The following ANKH variants were observed in gnomAD, a reference collection of about 807,000 sequenced individuals.
ANKH encodes ANKH inorganic pyrophosphate transport regulator.
In ANKH, 15 loss-of-function variants were observed where a neutral mutation model predicts 49.0. That is an observed-to-expected ratio of 0.31 (90% confidence interval 0.20 to 0.47). The LOEUF is 0.47. ANKH is among the 20% of genes least tolerant of loss of function. The probability of loss-of-function intolerance (pLI) is 1.00; values close to 1 mark genes in which losing one functional copy is unlikely to be tolerated. For missense variants in ANKH, 429 were observed against 652.0 expected (o/e 0.66, Z 3.72); for synonymous variants, 273 against 260.0 (o/e 1.05, Z -0.48).
At chr5:14,750,981 C>T in intron 5 of ANKH, 88 bp downstream of exon 5, 1 of 1,534,278 alleles carries the variant, frequency 6.5e-7, no homozygotes, top group Non-Finnish European at 9.0e-7. Flanking sequence ...GTTTTGATGT[C>T]ACTGATTTCT....
intron 1 of ANKH, among the ~76,000 whole-genome samples, chr5:14,866,359 A>G (rs1735646304): frequency 6.6e-6 from 1 of 152,130 alleles, no homozygotes; most frequent in Non-Finnish European, 1.5e-5. Context: ...GGCAGAACAC[A>G]TTTCTTAAGT....
intron 1 of ANKH, among the ~76,000 whole-genome samples, chr5:14,788,792 A>T (rs1259409311): frequency 6.6e-6 from 1 of 152,162 alleles, no homozygotes; most frequent in African/African-American, 2.4e-5. Context: ...GGTTAATAAT[A>T]CTAACTGATC....
chr5:14,705,961 G>C lies in ANKH; in HGVS notation c.*5236C>G, dbSNP rs1736933185. 1.3e-5 allele frequency: 2 copies of C among 152,214 alleles called. No individual in the cohort carries two copies. The highest frequency in any genetic ancestry group is 4.2e-4 in the South Asian group (2 of 4,818). 9.4% of individuals were successfully genotyped at this position (152,214 alleles called of 1,614,324 possible). A position where few individuals can be genotyped will look rare whatever the true frequency, so the allele number is the denominator to read the frequency against. Reference sequence around the variant, plus strand: ...TCCAGAGGCGCCATTTCTTGCCCTGGCTTATAGCTAGGGAACATTGCCTCT... The same window carrying C: ...TCCAGAGGCGCCATTTCTTGCCCTGCCTTATAGCTAGGGAACATTGCCTCT... On this transcript the variant is annotated 3_prime_UTR_variant, in exon 12 of 12. Coordinates refer to ENST00000284268, the MANE Select transcript of ANKH (RefSeq NM_054027.6).
At chr5:14,798,114 G>C (rs1025039820) in intron 1 of ANKH, 46 of 1,556,138 alleles carry the variant, frequency 3.0e-5, no homozygotes, top group Non-Finnish European at 3.9e-5. Context: ...GTCGTAGTGT[G>C]ATGCATCAAA....
At chr5:14,756,555 G>C (rs1738891082) in intron 3 of ANKH, among the ~76,000 whole-genome samples, 1 of 152,170 alleles carries the variant, frequency 6.6e-6, no homozygotes, top group South Asian at 2.1e-4. Flanking sequence ...TTACCTTCAA[G>C]GTTGATTTGG....
chr5:14,778,261 T>C (rs953671529), intron 1 of ANKH, among the ~76,000 whole-genome samples: 1 of 152,230 alleles, frequency 6.6e-6, no homozygotes, highest in East Asian at 1.9e-4. Flanking sequence ...CCCTGCTTTT[T>C]TGAGATTCAC....
chr5:14,851,247 C>T (rs1330636656), intron 1 of ANKH, among the ~76,000 whole-genome samples: 4 of 152,220 alleles, frequency 2.6e-5, no homozygotes, highest in Non-Finnish European at 2.9e-5. Flanking sequence ...CTATCTGCGG[C>T]TCTGCCTCTC....
Position 14,710,115 on chromosome 5 carries a change from C to T in ANKH, c.*1082G>A, listed in dbSNP as rs772430300. On this transcript the variant is annotated 3_prime_UTR_variant, in exon 12 of 12. Transcript: ENST00000284268. ...ATCGTTATAAAATGTCTTGCTTTAT[C>T]GTATGGTGTGGGAGGGAAGTACCGT... 4 of 152,128 alleles carry T rather than the reference C, an allele frequency of 2.6e-5. No homozygotes were observed. Among genetic ancestry groups the T allele is most frequent in the East Asian group, 1.9e-4 (1 of 5,186 alleles). The allele number at this position is 152,128 out of a possible 1,614,324, so 9.4% of individuals were successfully genotyped here. A position where few individuals can be genotyped will look rare whatever the true frequency, so the allele number is the denominator to read the frequency against.
At chr5:14,824,747 A>T (rs62353765) in intron 1 of ANKH, among the ~76,000 whole-genome samples, 14,385 of 152,084 alleles carry the variant, frequency 0.095, 841 homozygotes, top group Admixed American at 0.12. Context: ...GTTAGCCCTG[A>T]TACTTCTATT....
chr5:14,833,967 G>A (rs982479238), intron 1 of ANKH, among the ~76,000 whole-genome samples: 1 of 152,124 alleles, frequency 6.6e-6, no homozygotes, highest in Non-Finnish European at 1.5e-5. Context: ...AGAATTGCAC[G>A]GGGCTTACGT....
At chr5:14,854,514 T>C (rs578123706) in intron 1 of ANKH, among the ~76,000 whole-genome samples, 2 of 152,084 alleles carry the variant, frequency 1.3e-5, no homozygotes, top group Admixed American at 1.3e-4. Flanking sequence ...ACCCAGTCTC[T>C]ACAAAACAAA....
chr5:14,724,169 T>A (rs10062487), intron 8 of ANKH, among the ~76,000 whole-genome samples: 11,199 of 152,092 alleles, frequency 0.074, 430 homozygotes, highest in African/African-American at 0.097. Flanking sequence ...AATACAAAAG[T>A]AGCCAGGCGT....
chr5:14,774,996 C>T (rs1052449064), intron 1 of ANKH, among the ~76,000 whole-genome samples: 1 of 152,070 alleles, frequency 6.6e-6, no homozygotes. Context: ...CCTGAAACCT[C>T]GGATAGTACC....
Position 14,784,722 on chromosome 5 carries a change from A to G in ANKH, c.97-15531T>C, listed in dbSNP as rs139346878. 5.0e-3 allele frequency among the ~76,000 whole-genome samples: 756 copies of G among 152,280 alleles called. 7 individuals carry two copies. The highest frequency in any genetic ancestry group is 0.018 in the African/African-American group (731 of 41,548). ...GGAAGTCTGGGTAAAGAAATCCTAC[A>G]GGACAAGCAGTGCAAGAACTGCCAG... is the stretch of plus-strand genomic sequence containing the variant. On this transcript the variant is annotated intron_variant, in intron 1 of 11. Coordinates refer to ENST00000284268, the MANE Select transcript of ANKH (RefSeq NM_054027.6).
At chr5:14,754,546 A>G (rs1328991502) in intron 4 of ANKH, among the ~76,000 whole-genome samples, 2 of 152,220 alleles carry the variant, frequency 1.3e-5, no homozygotes, top group Non-Finnish European at 2.9e-5. Flanking sequence ...TAAGAAAATT[A>G]ACAAAGACAT....
intron 1 of ANKH, among the ~76,000 whole-genome samples, chr5:14,837,578 C>CATCTCACACCAGTTAGAATGGCG (rs1357346235): frequency 3.9e-5 from 6 of 152,174 alleles, no homozygotes; most frequent in Admixed American, 1.3e-4. Context: ...AATGAGATAC[C>CATCTCACACCAGTTAGAATGGCG]ATCTCACACC....
At chr5:14,815,103 A>C (rs1303786744) in intron 1 of ANKH, among the ~76,000 whole-genome samples, 1 of 152,196 alleles carries the variant, frequency 6.6e-6, no homozygotes, top group Non-Finnish European at 1.5e-5. Flanking sequence ...GTAATTCTGT[A>C]AACTGTGTAG....
intron 1 of ANKH, chr5:14,868,862 T>C (rs1366560598): frequency 6.6e-6 from 1 of 152,166 alleles, no homozygotes; most frequent in Non-Finnish European, 1.5e-5. Flanking sequence ...GCTACGATCA[T>C]AGGCATGAGC....
intron 3 of ANKH, among the ~76,000 whole-genome samples, chr5:14,757,411 AAC>A (rs145635666): frequency 0.012 from 1,107 of 96,214 alleles, 15 homozygotes; most frequent in African/African-American, 0.051. Flanking sequence ...ACCTTATTGG[AAC>A]ATATATATAT....
Sources: gnomAD v4.1 joint callset for allele counts (sites outside exome capture counted in the v4.1 genomes callset) on GRCh38, gnomAD v4.1.1 for gene constraint, MANE v1.5 for transcripts, NCBI Gene and HGNC (gene_info 2026-07-23, HGNC 2026-07-21) for gene names.